The following PTPRG variants were observed in gnomAD, a reference collection of about 807,000 sequenced individuals.
PTPRG encodes receptor-type tyrosine-protein phosphatase gamma.
PTPRG carries 102 observed loss-of-function variants against 165.3 expected under a neutral mutation model. That is an observed-to-expected ratio of 0.62 (90% confidence interval 0.53 to 0.73). PTPRG has a LOEUF of 0.73. Ranked by LOEUF, PTPRG falls within the 30% of genes least tolerant of loss-of-function variation. The pLI is 0.00. For synonymous variants in PTPRG, 675 were observed against 669.5 expected, an observed-to-expected ratio of 1.01 and a Z score of -0.13; for missense variants, 1,866 against 1,861.4, an observed-to-expected ratio of 1.00 and a Z score of -0.05.
intron 2 of PTPRG, among the ~76,000 whole-genome samples, chr3:61,935,789 AT>A (rs2107594227): frequency 8.2e-6 from 1 of 122,100 alleles, no homozygotes; most frequent in African/African-American, 2.8e-5. Flanking sequence ...TTAGAATTAT[AT>A]TAATATTAGC....
chr3:62,218,731 C>T (rs1232800453), intron 12 of PTPRG, 120 bp from the exon 13 acceptor site: 3 of 1,336,722 alleles, frequency 2.2e-6, no homozygotes, highest in Non-Finnish European at 3.1e-6. Context: ...CATGGGGCAG[C>T]TCAGAGCAAA....
intron 2 of PTPRG, among the ~76,000 whole-genome samples, chr3:61,807,026 C>A (rs532978899): frequency 7.6e-4 from 116 of 152,150 alleles, no homozygotes; most frequent in Non-Finnish European, 1.5e-3. Flanking sequence ...TCTTCATTTT[C>A]TGCACCCAAG....
intron 1 of PTPRG, among the ~76,000 whole-genome samples, chr3:61,649,357 G>A (rs1702287445): frequency 6.6e-6 from 1 of 152,092 alleles, no homozygotes; most frequent in South Asian, 2.1e-4. Flanking sequence ...ATTTCTCACA[G>A]TTCTGGAGGC....
intron 2 of PTPRG, among the ~76,000 whole-genome samples, chr3:61,790,996 T>G (rs1344709398): frequency 2.6e-5 from 4 of 152,176 alleles, no homozygotes; most frequent in African/African-American, 9.7e-5. Context: ...GCACCTCCTT[T>G]TTCCTTTTAC....
intron 1 of PTPRG, among the ~76,000 whole-genome samples, chr3:61,740,899 A>G (rs1375357663): frequency 3.3e-5 from 5 of 152,190 alleles, no homozygotes; most frequent in Middle Eastern, 3.2e-3. Context: ...GCTCAGTATT[A>G]CAAACAACTA....
chr3:61,566,508 G>C (rs976091579), intron 1 of PTPRG, among the ~76,000 whole-genome samples: 1 of 152,174 alleles, frequency 6.6e-6, no homozygotes, highest in African/African-American at 2.4e-5. Flanking sequence ...TTTTCCTGGA[G>C]ACTTCTTTTC....
chr3:62,286,355 T>G (rs1702659548), intron 28 of PTPRG, among the ~76,000 whole-genome samples: 1 of 152,180 alleles, frequency 6.6e-6, no homozygotes, highest in African/African-American at 2.4e-5. Flanking sequence ...TCTGCCCTAC[T>G]GATTTCAAAA....
At chr3:61,870,317 C>CTT (rs10642619) in intron 2 of PTPRG, among the ~76,000 whole-genome samples, 13,475 of 136,266 alleles carry the variant, frequency 0.099, 1,113 homozygotes, top group African/African-American at 0.21. Flanking sequence ...AAAAATTATT[C>CTT]TTTTTTTTTT....
chr3:61,588,284 T>C (rs977154003), intron 1 of PTPRG, among the ~76,000 whole-genome samples: 2 of 152,182 alleles, frequency 1.3e-5, no homozygotes, highest in Admixed American at 6.5e-5. Context: ...TTTGAACATA[T>C]ACCCCTATTA....
chr3:61,857,054 C>T (rs1425451507), intron 2 of PTPRG, among the ~76,000 whole-genome samples: 5 of 152,000 alleles, frequency 3.3e-5, no homozygotes, highest in African/African-American at 1.2e-4. Flanking sequence ...GATCATTTCC[C>T]ATCCTATTTT....
At chr3:62,131,941 TG>T (rs1703531669) in intron 5 of PTPRG, among the ~76,000 whole-genome samples, 1 of 152,182 alleles carries the variant, frequency 6.6e-6, no homozygotes, top group Non-Finnish European at 1.5e-5. Context: ...TCTTCTAGAA[TG>T]GGCAAGAATG....
At chr3:62,281,538 C>CTTTTTTTTTGTTTTT in intron 26 of PTPRG, 25 bp from the exon 27 acceptor site, 1 of 620,526 alleles carries the variant, frequency 1.6e-6, no homozygotes, top group Non-Finnish European at 2.1e-6. Context: ...ACTGCAGAGG[C>CTTTTTTTTTGTTTTT]TTTTTTTTTT....
At chr3:61,823,057 G>T (rs1238639041) in intron 2 of PTPRG, among the ~76,000 whole-genome samples, 1 of 152,118 alleles carries the variant, frequency 6.6e-6, no homozygotes, top group Non-Finnish European at 1.5e-5. Context: ...AGTTCTTGGG[G>T]CACTTAATTA....
intron 1 of PTPRG, among the ~76,000 whole-genome samples, chr3:61,565,992 C>T (rs1376450950): frequency 6.6e-6 from 1 of 152,024 alleles, no homozygotes; most frequent in African/African-American, 2.4e-5. Flanking sequence ...AATCTTTACC[C>T]AGTCTCTAAA....
intron 2 of PTPRG, among the ~76,000 whole-genome samples, chr3:61,863,795 G>T (rs944868635): frequency 7.2e-5 from 11 of 152,146 alleles, no homozygotes; most frequent in Non-Finnish European, 1.3e-4. Context: ...TCAAAGGTAA[G>T]GCCACCTTTG....
intron 2 of PTPRG, among the ~76,000 whole-genome samples, chr3:61,896,959 T>C (rs1328981053): frequency 6.6e-6 from 1 of 151,042 alleles, no homozygotes; most frequent in Non-Finnish European, 1.5e-5. Flanking sequence ...TTTTTTTTAA[T>C]ATATTCTGAA....
rs2040177800 is a variant in PTPRG, at chr3:61,962,541, C to CA, written c.191-27083dup. Among the ~76,000 whole-genome samples the CA allele has an allele frequency of 2.0e-5, 3 of 151,420 alleles. No homozygotes were observed. The South Asian group carries it at 6.4e-4, about 32-fold the overall frequency. On this transcript the variant is annotated intron_variant, in intron 2 of 29. Coordinates refer to ENST00000474889, the MANE Select transcript of PTPRG (RefSeq NM_002841.4). ...TTTGAGTTCCTTTGCTATTAAGGCT[C>CA]ATTTTTTTATATCCACAGTCACATT...
At chr3:62,133,253 C>G (rs1356523141) in intron 6 of PTPRG, among the ~76,000 whole-genome samples, 1 of 152,246 alleles carries the variant, frequency 6.6e-6, no homozygotes, top group African/African-American at 2.4e-5. Flanking sequence ...ATTATCTGCA[C>G]TGCATCATTA....
chr3:61,624,027 G>A (rs1290953920), intron 1 of PTPRG, among the ~76,000 whole-genome samples: 1 of 152,114 alleles, frequency 6.6e-6, no homozygotes, highest in Non-Finnish European at 1.5e-5. Context: ...CCCCTAAAGA[G>A]CAGCCACTGA....
Sources: gnomAD v4.1 joint callset for allele counts (sites outside exome capture counted in the v4.1 genomes callset) on GRCh38, gnomAD v4.1.1 for gene constraint, MANE v1.5 for transcripts, NCBI Gene and HGNC (gene_info 2026-07-23, HGNC 2026-07-21) for gene names.